ASTN2: variants seen among roughly 807,000 people sequenced by gnomAD.
ASTN2 encodes astrotactin 2.
A neutral mutation model predicts 139.8 loss-of-function variants in ASTN2; 54 were observed. The observed-to-expected ratio is 0.39, with a 90% CI of 0.31 to 0.48. The LOEUF (loss-of-function observed/expected upper bound fraction) is 0.48, where lower values mean the gene tolerates loss of function less well. Among genes scored for constraint, ASTN2 ranks in the 20% least tolerant of loss-of-function variants. The pLI is 0.95. For synonymous variants in ASTN2, 756 were observed against 719.5 expected (o/e 1.05, Z -0.81); for missense variants, 1,565 against 1,725.1 (o/e 0.91, Z 1.64).
At chr9:116,746,402 C>T (rs2132146302) in intron 13 of ASTN2, among the ~76,000 whole-genome samples, 1 of 152,140 alleles carries the variant, frequency 6.6e-6, no homozygotes, top group South Asian at 2.1e-4. Context: ...GTCCTTTTCA[C>T]ATCACACACT....
At chr9:116,488,055 T>C (rs1849397893) in intron 19 of ASTN2, among the ~76,000 whole-genome samples, 1 of 152,208 alleles carries the variant, frequency 6.6e-6, no homozygotes, top group Non-Finnish European at 1.5e-5. Flanking sequence ...GATTGATTAG[T>C]GATGAAGGTC....
chr9:116,451,561 G>A (rs1402660269), intron 20 of ASTN2, among the ~76,000 whole-genome samples: 1 of 152,122 alleles, frequency 6.6e-6, no homozygotes, highest in Non-Finnish European at 1.5e-5. Context: ...CAATAAAAAT[G>A]TATTCTTGCC....
At chr9:117,212,714 T>C (rs1428654670) in intron 3 of ASTN2, among the ~76,000 whole-genome samples, 1 of 152,118 alleles carries the variant, frequency 6.6e-6, no homozygotes, top group Non-Finnish European at 1.5e-5. Flanking sequence ...ATCAGGTAAA[T>C]GCAAATCAAA....
intron 5 of ASTN2, among the ~76,000 whole-genome samples, chr9:117,066,923 T>G (rs1827967091): frequency 8.3e-6 from 1 of 120,372 alleles, no homozygotes; most frequent in African/African-American, 3.2e-5. Flanking sequence ...GTCAGATGAG[T>G]AGGTTGCGAA....
chr9:117,275,678 G>T (rs1306698375), intron 2 of ASTN2, among the ~76,000 whole-genome samples: 7 of 148,802 alleles, frequency 4.7e-5, no homozygotes, highest in African/African-American at 9.9e-5. Context: ...GGATTCTCCT[G>T]CCTCAGCCTC....
intron 3 of ASTN2, among the ~76,000 whole-genome samples, chr9:117,206,941 GC>G (rs1262135505): frequency 6.6e-6 from 1 of 152,032 alleles, no homozygotes; most frequent in South Asian, 2.1e-4. Flanking sequence ...ATAGTTCTAC[GC>G]CCCCTAAAAG....
chr9:117,109,268 G>A (rs1171186207), intron 4 of ASTN2, among the ~76,000 whole-genome samples: 1 of 150,980 alleles, frequency 6.6e-6, no homozygotes, highest in East Asian at 2.0e-4. Context: ...GGCGACAGAG[G>A]GAGACTCTGT....
At chr9:116,444,139 C>A (rs1352541277) in intron 20 of ASTN2, among the ~76,000 whole-genome samples, 2 of 152,112 alleles carry the variant, frequency 1.3e-5, no homozygotes, top group African/African-American at 2.4e-5. Context: ...AGAGGGGAAG[C>A]AGCTTGCCCA....
chr9:116,898,883 G>A lies in ASTN2; in HGVS notation c.1890-35150C>T, dbSNP rs560465332. On this transcript the variant is annotated intron_variant, in intron 10 of 22. Coordinates refer to ENST00000313400, the MANE Select transcript of ASTN2 (RefSeq NM_001365068.1). Reference sequence around the variant, plus strand: ...AGATGGGTCTCACTATATCGCCCTAGCTGGTCTCAAACTCTTGGGCTCAAG... The same window carrying A: ...AGATGGGTCTCACTATATCGCCCTAACTGGTCTCAAACTCTTGGGCTCAAG... Among the ~76,000 whole-genome samples, 4 of 152,136 alleles carry A rather than the reference G, an allele frequency of 2.6e-5. No homozygotes were observed. The East Asian group carries it at 5.8e-4, about 22-fold the overall frequency.
At chr9:116,910,075 T>C (rs1250568729) in intron 10 of ASTN2, among the ~76,000 whole-genome samples, 1 of 152,114 alleles carries the variant, frequency 6.6e-6, no homozygotes, top group East Asian at 1.9e-4. Flanking sequence ...AAGCCCACCA[T>C]GGTGAAAGGA....
At chr9:116,901,857 G>A (rs1834018909) in intron 10 of ASTN2, among the ~76,000 whole-genome samples, 1 of 152,088 alleles carries the variant, frequency 6.6e-6, no homozygotes, top group Non-Finnish European at 1.5e-5. Flanking sequence ...GTGAAACCCT[G>A]TCTCTATTGA....
At chr9:117,348,311 A>G (rs1829286322) in intron 1 of ASTN2, among the ~76,000 whole-genome samples, 2 of 152,188 alleles carry the variant, frequency 1.3e-5, no homozygotes, top group Non-Finnish European at 2.9e-5. Context: ...AATATTGGGG[A>G]TTAACTCTAT....
chr9:116,795,149 T>C (rs1478093692), intron 13 of ASTN2, among the ~76,000 whole-genome samples: 1 of 152,134 alleles, frequency 6.6e-6, no homozygotes, highest in Middle Eastern at 3.2e-3. Context: ...GCTCATTTTT[T>C]TTGTATTTTT....
intron 1 of ASTN2, among the ~76,000 whole-genome samples, chr9:117,394,683 CAA>C (rs1403319657): frequency 6.6e-6 from 1 of 152,112 alleles, no homozygotes; most frequent in East Asian, 1.9e-4. Context: ...ACAGCTCGAG[CAA>C]AGTCACAGAA....
At chr9:117,341,864 T>A (rs749958369) in intron 1 of ASTN2, among the ~76,000 whole-genome samples, 1 of 152,174 alleles carries the variant, frequency 6.6e-6, no homozygotes, top group Non-Finnish European at 1.5e-5. Context: ...GTGTGCCATA[T>A]ACACTCAATT....
At chr9:117,344,599 T>C (rs577911151) in intron 1 of ASTN2, among the ~76,000 whole-genome samples, 24 of 152,320 alleles carry the variant, frequency 1.6e-4, no homozygotes, top group Admixed American at 9.2e-4. Context: ...CACAGAATCA[T>C]GGACAACATA....
chr9:116,629,937 G>A (rs941723222), intron 17 of ASTN2, among the ~76,000 whole-genome samples: 2 of 152,148 alleles, frequency 1.3e-5, no homozygotes, highest in Non-Finnish European at 2.9e-5. Flanking sequence ...CAAGATGATA[G>A]GATTATATGA....
intron 13 of ASTN2, among the ~76,000 whole-genome samples, chr9:116,767,173 G>A (rs1041409704): frequency 7.5e-6 from 1 of 133,576 alleles, no homozygotes; most frequent in Non-Finnish European, 1.7e-5. Context: ...CACACACACA[G>A]GTGTGCATGT....
intron 2 of ASTN2, among the ~76,000 whole-genome samples, chr9:117,240,780 G>A (rs1564498725): frequency 6.6e-6 from 1 of 152,148 alleles, no homozygotes; most frequent in Non-Finnish European, 1.5e-5. Context: ...GGAGTCTAAA[G>A]CCCAAAGAAT....
Sources: gnomAD v4.1 joint callset for allele counts (sites outside exome capture counted in the v4.1 genomes callset) on GRCh38, gnomAD v4.1.1 for gene constraint, MANE v1.5 for transcripts, NCBI Gene and HGNC (gene_info 2026-07-23, HGNC 2026-07-21) for gene names.